The following UPF2 variants were observed in gnomAD, a reference collection of about 807,000 sequenced individuals.
UPF2 encodes the protein UPF2 regulator of nonsense mediated mRNA decay.
A neutral mutation model predicts 141.4 loss-of-function variants in UPF2; 17 were observed. The observed-to-expected ratio is 0.12, with a 90% confidence interval of 0.08 to 0.18. The LOEUF is 0.18. Ranked by LOEUF, UPF2 falls within the 10% of genes least tolerant of loss-of-function variation. The pLI, the probability that UPF2 is intolerant of heterozygous loss-of-function variation, is 1.00. For synonymous variants in UPF2, 540 were observed against 498.0 expected (o/e 1.08, Z -1.12); for missense variants, 1,152 against 1,515.9 (o/e 0.76, Z 3.99).
chr10:12,036,210 G>T (rs1270421043), intron 1 of UPF2, among the ~76,000 whole-genome samples: 1 of 152,198 alleles, frequency 6.6e-6, no homozygotes, highest in African/African-American at 2.4e-5. Flanking sequence ...TTTGGTTTTA[G>T]AGGAAAGGGG....
At chr10:12,024,825 T>C (rs986860515) in intron 3 of UPF2, among the ~76,000 whole-genome samples, 3 of 148,472 alleles carry the variant, frequency 2.0e-5, no homozygotes, top group Non-Finnish European at 4.4e-5. Flanking sequence ...CTCAGCTACT[T>C]GACAGCCTGA....
At chr10:12,018,245 C>T (rs957404323) in intron 3 of UPF2, among the ~76,000 whole-genome samples, 1 of 152,032 alleles carries the variant, frequency 6.6e-6, no homozygotes, top group Non-Finnish European at 1.5e-5. Context: ...CCAACAAGTC[C>T]GAGACCAACC....
chr10:11,971,827 T>G (rs1428776330), intron 9 of UPF2, among the ~76,000 whole-genome samples: 2 of 151,550 alleles, frequency 1.3e-5, no homozygotes, highest in African/African-American at 4.8e-5. Context: ...GCTTTGGGAG[T>G]CCAAGGCAGG....
chr10:11,936,033 G>C lies in UPF2; in HGVS notation c.3546+512C>G, dbSNP rs897162861. ...GGCTTGCTTGTGGAAGTTTGTGCTA[G>C]AAGTCAAGGTACTTACATATTCTTA... On this transcript the variant is annotated intron_variant, in intron 19 of 21. Transcript: ENST00000357604. The surrounding 1 kb of genome is among the most constrained non-coding windows in gnomAD (Gnocchi z 6.6). Among the ~76,000 whole-genome samples the C allele has an allele frequency of 1.3e-5, 2 of 152,170 alleles. No homozygotes were observed. Among genetic ancestry groups the C allele is most frequent in the African/African-American group, 4.8e-5 (2 of 41,434 alleles).
At chr10:12,040,524 T>A (rs1215037008) in intron 1 of UPF2, among the ~76,000 whole-genome samples, 1 of 152,118 alleles carries the variant, frequency 6.6e-6, no homozygotes, top group Admixed American at 6.6e-5. Flanking sequence ...CTGATACTGG[T>A]ATCTCCTTTC....
chr10:12,026,307 C>A (rs888452384), intron 3 of UPF2, among the ~76,000 whole-genome samples: 2 of 151,938 alleles, frequency 1.3e-5, no homozygotes, highest in South Asian at 4.2e-4. Flanking sequence ...TTAACAAAAA[C>A]CAAAAGAACA....
At chr10:11,972,914 C>T (rs141051348) in intron 9 of UPF2, among the ~76,000 whole-genome samples, 4 of 152,190 alleles carry the variant, frequency 2.6e-5, no homozygotes, top group Admixed American at 2.6e-4. Flanking sequence ...TGGGATGGTG[C>T]GGTCAAATGG....
intron 3 of UPF2, among the ~76,000 whole-genome samples, chr10:12,025,019 T>C (rs1353104232): frequency 6.7e-6 from 1 of 149,294 alleles, no homozygotes; most frequent in Non-Finnish European, 1.5e-5. Flanking sequence ...CACCATAATG[T>C]ACCCTTGCAG....
At chr10:11,985,884 C>CTTTTTTTTTTTTTTTTTTT (rs746117868) in intron 8 of UPF2, among the ~76,000 whole-genome samples, 4 of 100,752 alleles carry the variant, frequency 4.0e-5, no homozygotes, top group African/African-American at 1.3e-4. Context: ...TAGATCCTTC[C>CTTTTTTTTTTTTTTTTTTT]TTTTTTTTTT....
At position 11,992,846 on chromosome 10, in the gene UPF2, G is replaced by A. The variant is rs1056111026; in HGVS notation, c.1844+4826C>T. Among the ~76,000 whole-genome samples the A allele has an allele frequency of 6.6e-6, 1 of 151,988 alleles. No individual in the cohort carries two copies. The highest frequency in any genetic ancestry group is 1.5e-5 in the Non-Finnish European group (1 of 67,994). On this transcript the variant is annotated intron_variant, in intron 8 of 21. Coordinates refer to ENST00000357604, the MANE Select transcript of UPF2 (RefSeq NM_015542.4). This position sits in a 1 kb window ranked among gnomAD's most constrained non-coding sequence, Gnocchi z 4.1. Reference sequence around the variant, plus strand: ...AATAAAAGGCACATGTATACCAAACGCAAATAAAAAGAAAGCAGCAGTCAG... The same window carrying A: ...AATAAAAGGCACATGTATACCAAACACAAATAAAAAGAAAGCAGCAGTCAG...
At chr10:11,937,335 C>A (rs1027641367) in intron 18 of UPF2, among the ~76,000 whole-genome samples, 7 of 152,156 alleles carry the variant, frequency 4.6e-5, no homozygotes, top group Non-Finnish European at 8.8e-5. Flanking sequence ...CCTCTACACT[C>A]AAAGAGCTCA....
At chr10:12,013,738 T>C (rs1044617291) in intron 4 of UPF2, among the ~76,000 whole-genome samples, 2 of 152,188 alleles carry the variant, frequency 1.3e-5, no homozygotes, top group Admixed American at 1.3e-4. Flanking sequence ...AGGTTATCAA[T>C]AGGTTTTAAT....
intron 21 of UPF2, among the ~76,000 whole-genome samples, chr10:11,925,885 CTT>C (rs1832706658): frequency 6.6e-6 from 1 of 152,220 alleles, no homozygotes; most frequent in African/African-American, 2.4e-5. Context: ...GGAGTTTAGA[CTT>C]TTTATCCTAC....
rs1157370288 is a variant in UPF2, at chr10:11,936,307, T to A, written c.3546+238A>T. On this transcript the variant is annotated intron_variant, in intron 19 of 21. Coordinates refer to ENST00000357604, the MANE Select transcript of UPF2 (RefSeq NM_015542.4). This position sits in a 1 kb window ranked among gnomAD's most constrained non-coding sequence, Gnocchi z 6.6. ...ATCGTTTGAACCTGGGAGGAGGAGG[T>A]TGCAGTGAGCCAAGACCCTGCCACT... is the stretch of plus-strand genomic sequence containing the variant. Among the ~76,000 whole-genome samples the A allele has an allele frequency of 1.3e-5, 2 of 151,536 alleles. No individual in the cohort carries two copies. The highest frequency in any genetic ancestry group is 2.9e-5 in the Non-Finnish European group (2 of 67,904).
chr10:12,043,073 A>C (rs1304228030), upstream of UPF2: 1 of 152,324 alleles, frequency 6.6e-6, no homozygotes, highest in African/African-American at 2.4e-5. Flanking sequence ...GCAAAGGCTC[A>C]TATGAGTGCC....
At chr10:11,994,635 T>C (rs1833835195) in intron 8 of UPF2, among the ~76,000 whole-genome samples, 2 of 152,194 alleles carry the variant, frequency 1.3e-5, no homozygotes, top group Admixed American at 6.5e-5. Context: ...GCTTGGACTA[T>C]ATGCCAAACA....
chr10:11,951,519 C>G (rs1278530970), intron 15 of UPF2, among the ~76,000 whole-genome samples: 2 of 152,124 alleles, frequency 1.3e-5, no homozygotes, highest in African/African-American at 2.4e-5. Context: ...CTCTTCTCCC[C>G]AAAACAACCT....
At position 12,013,266 on chromosome 10, in the gene UPF2, TC is replaced by T. The variant is rs1381059580; in HGVS notation, c.1306+757del. On this transcript the variant is annotated intron_variant, in intron 4 of 21. Coordinates refer to ENST00000357604, the MANE Select transcript of UPF2 (RefSeq NM_015542.4). ...TATAGAAGGATATTTTACAAATACT[TC>T]ACCCCTAAAATTTTTTTTTTTTTTT... 2.6e-5 allele frequency among the ~76,000 whole-genome samples: 4 copies of T among 151,406 alleles called. No homozygotes were observed. The Admixed American group carries it at 2.6e-4, about 10-fold the overall frequency.
rs1833798570 is a variant in UPF2, at chr10:11,992,632, T to G, written c.1844+5040A>C. Among the ~76,000 whole-genome samples the G allele has an allele frequency of 6.6e-6, 1 of 152,082 alleles. No homozygotes were observed. The highest frequency in any genetic ancestry group is 6.5e-5 in the Admixed American group (1 of 15,272). On this transcript the variant is annotated intron_variant, in intron 8 of 21. Transcript: ENST00000357604. This position sits in a 1 kb window ranked among gnomAD's most constrained non-coding sequence, Gnocchi z 4.1. ...CACATAATGAAAGACTTTTAGGAAT[T>G]AAACCAAAAAGGAAAATATTACAGA...
Sources: gnomAD v4.1 joint callset for allele counts (sites outside exome capture counted in the v4.1 genomes callset) on GRCh38, gnomAD v4.1.1 for gene constraint, Gnocchi (gnomAD v3.1) non-coding constraint, MANE v1.5 for transcripts, NCBI Gene and HGNC (gene_info 2026-07-23, HGNC 2026-07-21) for gene names.